USP14: variants seen among roughly 807,000 people sequenced by gnomAD.
USP14 encodes the protein ubiquitin specific peptidase 14.
A neutral mutation model predicts 76.5 loss-of-function variants in USP14; 38 were observed. The ratio of observed to expected loss-of-function variants is 0.50; its 90% CI spans 0.38 to 0.65. The LOEUF is 0.65. Among genes scored for constraint, USP14 ranks in the 30% least tolerant of loss-of-function variants. USP14 has a pLI of 0.00. For missense variants in USP14, 467 were observed against 586.5 expected (o/e 0.80, Z 2.10); for synonymous variants, 192 against 191.7 (o/e 1.00, Z -0.01).
At chr18:166,012 A>AC (rs11447546) in intron 2 of USP14, among the ~76,000 whole-genome samples, 85,430 of 151,938 alleles carry the variant, frequency 0.56, 24,673 homozygotes, top group South Asian at 0.66. Flanking sequence ...TTAAAAAAAA[A>AC]ATTCTTGATT....
chr18:205,499 C>T (rs1910505339), intron 13 of USP14, among the ~76,000 whole-genome samples: 1 of 152,168 alleles, frequency 6.6e-6, no homozygotes, highest in Non-Finnish European at 1.5e-5. Context: ...GTTGGCCAGG[C>T]ATGGTGGCTC....
In USP14 at chr18:158,728, TG is replaced by T; in HGVS notation, c.16+16del. On this transcript the variant is annotated intron_variant, in intron 1 of 15. Transcript: ENST00000261601. ...CGCTCTACTCCGGTGAGCCCTGTCC[TG>T]GCCTCGCGCGCAGCACACCGGACCG... The T allele has an allele frequency of 6.6e-7, 1 of 1,504,224 alleles. No homozygotes were observed. The highest frequency in any genetic ancestry group is 8.8e-7 in the Non-Finnish European group (1 of 1,135,018). 93.2% of individuals were successfully genotyped at this position (1,504,224 alleles called of 1,614,324 possible). A position where few individuals can be genotyped will look rare whatever the true frequency, so the allele number is the denominator to read the frequency against.
At chr18:207,372 G>A (rs922697686) in intron 13 of USP14, among the ~76,000 whole-genome samples, 1 of 144,776 alleles carries the variant, frequency 6.9e-6, no homozygotes, top group East Asian at 1.9e-4. Context: ...GGGATTACAC[G>A]GAATCTGTGG....
At chr18:207,740 G>C (rs1910566531) in intron 13 of USP14, among the ~76,000 whole-genome samples, 1 of 152,142 alleles carries the variant, frequency 6.6e-6, no homozygotes, top group Admixed American at 6.6e-5. Context: ...TATTCATTTA[G>C]GTCTTTAATT....
chr18:186,540 G>T (rs1451960754), intron 5 of USP14, among the ~76,000 whole-genome samples: 1 of 152,110 alleles, frequency 6.6e-6, no homozygotes, highest in African/African-American at 2.4e-5. Context: ...ATCACCGAAG[G>T]TCAGGAGTTC....
At chr18:168,101 T>C (rs1393706101) in intron 3 of USP14, among the ~76,000 whole-genome samples, 2 of 152,016 alleles carry the variant, frequency 1.3e-5, no homozygotes, top group African/African-American at 2.4e-5. Context: ...AACTTTTGTA[T>C]TTTTAGTAGA....
chr18:196,537 AT>A, intron 6 of USP14, 99 bp from the exon 7 acceptor site: 2 of 1,377,728 alleles, frequency 1.5e-6, no homozygotes, highest in East Asian at 2.6e-5. Flanking sequence ...AAAAAAAAAA[AT>A]TAAGTAAGTT....
At chr18:162,470 C>T (rs1909148664) in intron 1 of USP14, among the ~76,000 whole-genome samples, 1 of 152,108 alleles carries the variant, frequency 6.6e-6, no homozygotes, top group South Asian at 2.1e-4. Context: ...TAATTGAGCA[C>T]CTCTTGTTCA....
chr18:202,131 A>G (rs958779006), intron 10 of USP14, among the ~76,000 whole-genome samples: 3 of 152,242 alleles, frequency 2.0e-5, no homozygotes, highest in African/African-American at 4.8e-5. Context: ...AGCAGAGCAC[A>G]TAAGTAGTGC....
At chr18:164,152 T>C (rs2144208161) in intron 2 of USP14, among the ~76,000 whole-genome samples, 1 of 152,358 alleles carries the variant, frequency 6.6e-6, no homozygotes. Context: ...GAATTTTTTT[T>C]CCTATGAGGA....
chr18:179,702 C>T (rs1253190511), intron 4 of USP14, among the ~76,000 whole-genome samples: 1 of 150,676 alleles, frequency 6.6e-6, no homozygotes, highest in African/African-American at 2.4e-5. Context: ...ATCCTCCCAC[C>T]TCAGGCTCCT....
chr18:190,178 A>G (rs1240269668), intron 5 of USP14, among the ~76,000 whole-genome samples: 1 of 152,078 alleles, frequency 6.6e-6, no homozygotes, highest in African/African-American at 2.4e-5. Flanking sequence ...CCAAGTTATT[A>G]TCCATTCTTC....
chr18:193,409 CT>C lies in USP14; in HGVS notation c.463+518del, dbSNP rs886217540. Among the ~76,000 whole-genome samples, 59 of 151,074 alleles carry C rather than the reference CT, an allele frequency of 3.9e-4. 1 individual carries two copies. Among genetic ancestry groups the C allele is most frequent in the Non-Finnish European group, 2.1e-4 (14 of 67,692 alleles). On this transcript the variant is annotated intron_variant, in intron 6 of 15. Transcript: ENST00000261601. Reference sequence around the variant, plus strand: ...GGTCAATAGGGTTTTACAGCCATGCCTTTTTTTTTACTCTCTCTCTAACAGC... The same window carrying C: ...GGTCAATAGGGTTTTACAGCCATGCCTTTTTTTTACTCTCTCTCTAACAGC...
intron 2 of USP14, among the ~76,000 whole-genome samples, chr18:165,542 T>C (rs1317528797): frequency 6.6e-6 from 1 of 152,238 alleles, no homozygotes; most frequent in African/African-American, 2.4e-5. Flanking sequence ...TTACCATTTA[T>C]TGAGTACTTA....
At position 176,322 on chromosome 18, in the gene USP14, T is replaced by G. The variant is rs555815853; in HGVS notation, c.196-2611T>G. On this transcript the variant is annotated intron_variant, in intron 3 of 15. Coordinates refer to ENST00000261601, the MANE Select transcript of USP14 (RefSeq NM_005151.4). ...AAACCCAGGCAAATGGTGGTGACTT[T>G]TTTGGTTTGTTTTAGAGATGGGGTC... Among the ~76,000 whole-genome samples the G allele has an allele frequency of 2.1e-4, 32 of 152,304 alleles. 1 individual carries two copies. The highest frequency in any genetic ancestry group is 7.7e-4 in the African/African-American group (32 of 41,568).
Position 169,956 on chromosome 18 carries a change from T to C in USP14, c.195+3137T>C, listed in dbSNP as rs115853102. On this transcript the variant is annotated intron_variant, in intron 3 of 15. Coordinates refer to ENST00000261601, the MANE Select transcript of USP14 (RefSeq NM_005151.4). The stretch of plus-strand genomic sequence containing the variant: ...CGACCCGCAGTTCCCTCCTCCCTCT[T>C]CTCGAGCCTCCCTATTCCCTGAGAC... Among the ~76,000 whole-genome samples, 566 of 152,174 alleles carry C rather than the reference T, an allele frequency of 3.7e-3. 4 individuals carry two copies. The highest frequency in any genetic ancestry group is 0.013 in the African/African-American group (549 of 41,530).
chr18:213,220 A>AAT lies in USP14; in HGVS notation c.*1937_*1938dup, dbSNP rs1267160141. On this transcript the variant is annotated 3_prime_UTR_variant, in exon 16 of 16. Coordinates refer to ENST00000261601, the MANE Select transcript of USP14 (RefSeq NM_005151.4). ...TTGAGGACATGAATTTAACAATTAGAATTTAGATTTTCTGACTGTAGCTAC... is the reference window on the plus strand; with the variant it reads ...TTGAGGACATGAATTTAACAATTAGAATATTTAGATTTTCTGACTGTAGCTAC... The AAT allele has an allele frequency of 3.9e-5, 6 of 152,164 alleles. No individual in the cohort carries two copies. The highest frequency in any genetic ancestry group is 1.4e-4 in the African/African-American group (6 of 41,434). 9.4% of individuals were successfully genotyped at this position (152,164 alleles called of 1,614,324 possible). A position where few individuals can be genotyped will look rare whatever the true frequency, so the allele number is the denominator to read the frequency against.
At chr18:190,096 C>T (rs530940610) in intron 5 of USP14, among the ~76,000 whole-genome samples, 3 of 152,172 alleles carry the variant, frequency 2.0e-5, no homozygotes, top group Admixed American at 2.0e-4. Flanking sequence ...TTTAGTGTAT[C>T]CATGTTCTGT....
intron 11 of USP14, 74 bp downstream of exon 11, chr18:203,019 C>G: frequency 6.2e-7 from 1 of 1,602,254 alleles, no homozygotes; most frequent in Non-Finnish European, 8.5e-7. Flanking sequence ...TTTATCCAGT[C>G]TTAATTTTTA....
Sources: allele counts gnomAD v4.1 joint callset (sites outside exome capture counted in the v4.1 genomes callset), GRCh38; gene constraint gnomAD v4.1.1; transcripts MANE v1.5; gene names NCBI Gene and HGNC (gene_info 2026-07-23, HGNC 2026-07-21).